MAOB: variants seen among roughly 807,000 people sequenced by gnomAD.
The protein encoded by MAOB is monoamine oxidase B.
MAOB carries 15 observed loss-of-function variants against 41.9 expected under a neutral mutation model. That is an observed-to-expected ratio of 0.36 (90% confidence interval 0.24 to 0.55). MAOB has a LOEUF of 0.55. Among genes scored for constraint, MAOB ranks in the 20% least tolerant of loss-of-function variants. The pLI is 0.86. For synonymous variants in MAOB, 167 were observed against 144.2 expected (o/e 1.16, Z -1.13); for missense variants, 345 against 398.7 (o/e 0.87, Z 1.15).
intron 1 of MAOB, among the ~76,000 whole-genome samples, chrX:43,846,878 G>T (rs2035208006): frequency 9.0e-6 from 1 of 111,313 alleles, no homozygotes; most frequent in Non-Finnish European, 1.9e-5. Flanking sequence ...TATGAGAGAT[G>T]GTATATCCTC....
In MAOB at chrX:43,838,974, C is replaced by A; in HGVS notation, c.173G>T (p.Gly58Val). Residue 58 changes from glycine (G) to valine (V), a missense_variant, in exon 3 of 15, where the codon GGA (glycine) becomes GTA (valine). Transcript: ENST00000378069. ...ATTCTGGGTTGGTCCAACATAGGATCCTCCAAGGTCCACATATTTAACCTT... is the reference window on the plus strand; with the variant it reads ...ATTCTGGGTTGGTCCAACATAGGATACTCCAAGGTCCACATATTTAACCTT... Reference protein sequence around the residue: ...NQKVKYVDLGGSYVGPTQNRI... With the variant: ...NQKVKYVDLGVSYVGPTQNRI... 8.4e-7 allele frequency: 1 copy of A among 1,195,840 alleles called. No homozygotes were observed. Among genetic ancestry groups the A allele is most frequent in the Non-Finnish European group, 1.1e-6 (1 of 887,608 alleles).
intron 1 of MAOB, among the ~76,000 whole-genome samples, chrX:43,872,391 T>C (rs902689824): frequency 1.3e-4 from 14 of 111,671 alleles, no homozygotes; most frequent in African/African-American, 4.2e-4. Context: ...GATCGTTGGG[T>C]GGGGAGGAAA....
At position 43,797,277 on chromosome X, in the gene MAOB, A is replaced by T; in HGVS notation, c.477-11T>A. 1 of 1,147,758 alleles carries T rather than the reference A, an allele frequency of 8.7e-7. No homozygotes were observed. The allele number at this position is 1,147,758 out of a possible 1,213,427, so 94.6% of individuals were successfully genotyped here. A position where few individuals can be genotyped will look rare whatever the true frequency, so the allele number is the denominator to read the frequency against. On this transcript the variant is annotated splice_polypyrimidine_tract_variant and intron_variant, in intron 5 of 14. Transcript: ENST00000378069. ...AGCTGCTTTGCAGATCTGCACAGGA[A>T]GAAACAAGAGCAAACTTGGCAAACG... is the stretch of plus-strand genomic sequence containing the variant.
chrX:43,833,527 G>GC (rs1327142030), intron 3 of MAOB, among the ~76,000 whole-genome samples: 1 of 111,018 alleles, frequency 9.0e-6, no homozygotes. Flanking sequence ...GGTGAGCTGG[G>GC]CCCCCTGTCT....
chrX:43,812,975 T>C (rs745837813), intron 3 of MAOB, among the ~76,000 whole-genome samples: 2 of 112,208 alleles, frequency 1.8e-5, no homozygotes, highest in African/African-American at 3.2e-5. Flanking sequence ...GAGTGCTTAC[T>C]CTCTTCAGGC....
At chrX:43,859,112 T>A (rs1487523436) in intron 1 of MAOB, among the ~76,000 whole-genome samples, 2 of 111,216 alleles carry the variant, frequency 1.8e-5, no homozygotes, top group Non-Finnish European at 3.8e-5. Flanking sequence ...GTGCAAAGAT[T>A]TAGAGAAAAA....
intron 1 of MAOB, among the ~76,000 whole-genome samples, chrX:43,853,539 T>C (rs939729607): frequency 1.8e-5 from 2 of 111,554 alleles, no homozygotes; most frequent in Non-Finnish European, 3.8e-5. Context: ...AAAATTCATA[T>C]GTTGAAGTTC....
intron 6 of MAOB, 131 bp from the exon 7 acceptor site, chrX:43,796,019 A>C: frequency 4.0e-5 from 27 of 676,546 alleles, no homozygotes; most frequent in Non-Finnish European, 5.6e-5. Context: ...AGTGGCTTTC[A>C]CCATGGTTTT....
At chrX:43,785,529 G>T (rs2034388147) in intron 8 of MAOB, among the ~76,000 whole-genome samples, 1 of 112,643 alleles carries the variant, frequency 8.9e-6, no homozygotes, top group Admixed American at 9.4e-5. Flanking sequence ...TTTCCTTCAA[G>T]AATTTTTATT....
Position 43,775,192 on chromosome X carries a change from G to A in MAOB, c.1218C>T (p.Ile406=). The A allele has an allele frequency of 8.3e-7, 1 of 1,198,339 alleles. No individual in the cohort carries two copies. The highest frequency in any genetic ancestry group is 1.9e-5 in the South Asian group (1 of 53,915). The change falls in exon 12 of 15, where the codon ATC becomes ATT. Residue 406 remains isoleucine, a synonymous_variant. Coordinates refer to ENST00000378069, the MANE Select transcript of MAOB (RefSeq NM_000898.5). ...TACTCTACCTTCCATATTGAGTCAG[G>A]ATCCCAGGGGGGAAATAAGTTGTGT... ...GCYTTYFPPG[I]LTQYGRVLRQ...
chrX:43,872,492 C>T (rs2035414823), intron 1 of MAOB, among the ~76,000 whole-genome samples: 1 of 111,491 alleles, frequency 9.0e-6, no homozygotes, highest in African/African-American at 3.3e-5. Flanking sequence ...GACAATTTTG[C>T]TATAATTATT....
At position 43,802,213 on chromosome X, in the gene MAOB, G is replaced by A. The variant is rs1297229262; in HGVS notation, c.435C>T (p.Asn145=). ...WKAPLAEEWD[N]MTMKELLDKL... ...TGTCCAGTAGCTCCTTCATTGTCATGTTGTCCCACTCTTCTGCAAGGGGAG... is the reference window on the plus strand; with the variant it reads ...TGTCCAGTAGCTCCTTCATTGTCATATTGTCCCACTCTTCTGCAAGGGGAG... The change falls in exon 5 of 15, where the codon AAC becomes AAT. Residue 145 remains asparagine, a synonymous_variant. Transcript: ENST00000378069. 3 of 1,207,147 alleles carry A rather than the reference G, an allele frequency of 2.5e-6. No individual in the cohort carries two copies. Among genetic ancestry groups the A allele is most frequent in the Non-Finnish European group, 3.4e-6 (3 of 893,313 alleles).
intron 1 of MAOB, chrX:43,843,967 T>TA: frequency 1.0e-6 from 1 of 970,285 alleles, no homozygotes; most frequent in Non-Finnish European, 1.3e-6. Flanking sequence ...CATTTTTTAG[T>TA]AAATTTCTCA....
intron 3 of MAOB, among the ~76,000 whole-genome samples, chrX:43,822,177 A>T (rs1309926948): frequency 8.9e-6 from 1 of 112,430 alleles, no homozygotes; most frequent in Non-Finnish European, 1.9e-5. Flanking sequence ...TCACTCCATA[A>T]ATTGTTTGGG....
intron 1 of MAOB, among the ~76,000 whole-genome samples, chrX:43,847,474 T>C (rs1401732032): frequency 1.8e-5 from 2 of 111,929 alleles, no homozygotes; most frequent in Non-Finnish European, 3.8e-5. Flanking sequence ...CTGAGGAATA[T>C]TATTATCCTC....
chrX:43,799,460 G>A lies in MAOB; in HGVS notation c.477-2194C>T, dbSNP rs746607442. ...GAAACCTAACATTGGCCCAGCTGGAGAGCCAATATTTAACAAAAATATTGC... is the reference window on the plus strand; with the variant it reads ...GAAACCTAACATTGGCCCAGCTGGAAAGCCAATATTTAACAAAAATATTGC... On this transcript the variant is annotated intron_variant, in intron 5 of 14. Coordinates refer to ENST00000378069, the MANE Select transcript of MAOB (RefSeq NM_000898.5). Among the ~76,000 whole-genome samples, 10 of 111,481 alleles carry A rather than the reference G, an allele frequency of 9.0e-5. No homozygotes were observed. In the South Asian group the frequency reaches 1.1e-3, roughly 13 times the overall value.
chrX:43,880,205 A>T (rs1039431556), intron 1 of MAOB, among the ~76,000 whole-genome samples: 1 of 112,195 alleles, frequency 8.9e-6, no homozygotes, highest in African/African-American at 3.2e-5. Flanking sequence ...CAGGAAGTAA[A>T]TGTTCATTGA....
rs368783378 is a variant in MAOB at position 43,767,637 on chromosome X, G to T, written c.1411-19C>A. ...GGACATCCTAGGTTCAGAAAACATT[G>T]GGTATTAGTACAGGGCTTGTGCACT... On this transcript the variant is annotated intron_variant, in intron 14 of 14. Transcript: ENST00000378069. 5.8e-6 allele frequency: 7 copies of T among 1,197,849 alleles called. No individual in the cohort carries two copies. The highest frequency in any genetic ancestry group is 6.0e-5 in the East Asian group (2 of 33,608).
At position 43,815,267 on chromosome X, in the gene MAOB, T is replaced by C. The variant is rs139424526; in HGVS notation, c.280-11863A>G. ...ATTTGTAAACACATAAGTGTTTATT[T>C]GATCAAATAGCACAGGCATCTAAAG... On this transcript the variant is annotated intron_variant, in intron 3 of 14. Transcript: ENST00000378069. Among the ~76,000 whole-genome samples the C allele has an allele frequency of 6.2e-5, 7 of 112,361 alleles. No individual in the cohort carries two copies. In the East Asian group the frequency reaches 2.0e-3, roughly 31 times the overall value.
Sources: gnomAD v4.1 joint callset for allele counts (sites outside exome capture counted in the v4.1 genomes callset) on GRCh38, gnomAD v4.1.1 for gene constraint, MANE v1.5 for transcripts, NCBI Gene and HGNC (gene_info 2026-07-23, HGNC 2026-07-21) for gene names.